The following CSMD1 variants were observed in gnomAD, a reference collection of about 807,000 sequenced individuals.
CSMD1 encodes CUB and Sushi multiple domains 1, also known as CUB and sushi domain-containing protein 1.
Under a neutral mutation model 417.5 loss-of-function variants are expected in CSMD1, and 213 were observed. The ratio of observed to expected loss-of-function variants is 0.51; its 90% CI spans 0.46 to 0.57. The LOEUF (loss-of-function observed/expected upper bound fraction) is 0.57. Among genes scored for constraint, CSMD1 ranks in the 20% least tolerant of loss-of-function variants. The pLI is 0.00. For synonymous variants in CSMD1, 2,862 were observed against 1,736.8 expected (o/e 1.65, Z -16.11); for missense variants, 6,923 against 4,529.7 (o/e 1.53, Z -15.17).
At chr8:3,090,602 C>G (rs1411276854) in intron 48 of CSMD1, among the ~76,000 whole-genome samples, 1 of 152,202 alleles carries the variant, frequency 6.6e-6, no homozygotes, top group South Asian at 2.1e-4. Context: ...CTGGTTTTCC[C>G]TTTGGACGCT....
chr8:3,205,147 C>T lies in CSMD1; in HGVS notation c.4984+357G>A, dbSNP rs188781998. ...AATGTATGTGCCATTCATGCACAGA[C>T]ATATACACAGAGTTCTGACCCACCC... On this transcript the variant is annotated intron_variant, in intron 31 of 69. Transcript: ENST00000635120. 2.7e-4 allele frequency among the ~76,000 whole-genome samples: 41 copies of T among 152,266 alleles called. No individual in the cohort carries two copies. In the South Asian group the frequency reaches 6.4e-3, roughly 24 times the overall value.
At chr8:4,705,498 C>G (rs1308027657) in intron 1 of CSMD1, among the ~76,000 whole-genome samples, 1 of 152,170 alleles carries the variant, frequency 6.6e-6, no homozygotes, top group Non-Finnish European at 1.5e-5. Context: ...TTATCCTCTC[C>G]AAGAAAAGGA....
chr8:4,000,951 CA>C (rs1277445776), intron 4 of CSMD1, among the ~76,000 whole-genome samples: 1 of 151,708 alleles, frequency 6.6e-6, no homozygotes, highest in Non-Finnish European at 1.5e-5. Flanking sequence ...AGATTAATGA[CA>C]TATTAATTGA....
chr8:3,460,844 G>C (rs1028057786), intron 12 of CSMD1, among the ~76,000 whole-genome samples: 3 of 152,186 alleles, frequency 2.0e-5, no homozygotes, highest in African/African-American at 7.2e-5. Flanking sequence ...TGTGATGTGA[G>C]TCCCAGGTCA....
chr8:3,529,974 C>T (rs1250292686), intron 10 of CSMD1, among the ~76,000 whole-genome samples: 2 of 152,058 alleles, frequency 1.3e-5, no homozygotes, highest in Non-Finnish European at 2.9e-5. Flanking sequence ...AATGATGTGC[C>T]ATATGTCATT....
chr8:3,146,654 G>C (rs1818861336), intron 40 of CSMD1, among the ~76,000 whole-genome samples: 1 of 152,104 alleles, frequency 6.6e-6, no homozygotes, highest in South Asian at 2.1e-4. Context: ...TGGTCATTTT[G>C]AGGGACAGGC....
At chr8:4,372,389 C>G (rs1020934235) in intron 3 of CSMD1, among the ~76,000 whole-genome samples, 1 of 151,924 alleles carries the variant, frequency 6.6e-6, no homozygotes, top group Admixed American at 6.6e-5. Flanking sequence ...TTGCTGCTGT[C>G]AAAAGGTAAT....
In CSMD1 at chr8:3,223,867, G is replaced by A. The variant is rs375503699; in HGVS notation, c.4346C>T (p.Ala1449Val). 1 of 1,613,632 alleles carries A rather than the reference G, an allele frequency of 6.2e-7. No individual in the cohort carries two copies. Among genetic ancestry groups the A allele is most frequent in the Non-Finnish European group, 8.5e-7 (1 of 1,179,722 alleles). ...GCCCGTCAGATTCCCTCCACAAGCAGCTGTCACAGAACAAAAGTTACAGAG... is the reference window on the plus strand; with the variant it reads ...GCCCGTCAGATTCCCTCCACAAGCAACTGTCACAGAACAAAAGTTACAGAG... ...FWQPDPPTCIAACGGNLTGPA... is the reference protein window; with the variant it reads ...FWQPDPPTCIVACGGNLTGPA... Residue 1449 changes from alanine (A) to valine (V), a missense_variant and splice_region_variant, in exon 28 of 70, where the codon GCT (alanine) becomes GTT (valine). Ala to Val is a moderately conservative substitution (Grantham distance 64). Transcript: ENST00000635120.
intron 1 of CSMD1, among the ~76,000 whole-genome samples, chr8:4,854,758 G>A (rs1284797455): frequency 2.6e-5 from 4 of 152,178 alleles, no homozygotes; most frequent in African/African-American, 9.6e-5. Flanking sequence ...GGCTCGGAGG[G>A]TCCTACACCC....
At chr8:3,323,132 A>C (rs1806264939) in intron 23 of CSMD1, among the ~76,000 whole-genome samples, 1 of 152,108 alleles carries the variant, frequency 6.6e-6, no homozygotes, top group Non-Finnish European at 1.5e-5. Context: ...TTTGTCTAAC[A>C]TTGTCTTATT....
At chr8:3,848,312 C>A (rs957136966) in intron 5 of CSMD1, among the ~76,000 whole-genome samples, 2 of 152,120 alleles carry the variant, frequency 1.3e-5, no homozygotes, top group African/African-American at 2.4e-5. Flanking sequence ...CCACTAACAA[C>A]AGAGATCACC....
intron 25 of CSMD1, among the ~76,000 whole-genome samples, chr8:3,290,925 C>T (rs1335530824): frequency 2.6e-5 from 4 of 152,100 alleles, no homozygotes; most frequent in Admixed American, 6.5e-5. Flanking sequence ...GGAATGCTTC[C>T]AGTTTTTCCC....
intron 1 of CSMD1, among the ~76,000 whole-genome samples, chr8:4,715,227 T>G (rs1410864601): frequency 6.6e-6 from 1 of 152,224 alleles, no homozygotes; most frequent in African/African-American, 2.4e-5. Context: ...AGTGTTTTTA[T>G]GAATTTGAAT....
chr8:4,167,178 G>C (rs1797503458), intron 3 of CSMD1, among the ~76,000 whole-genome samples: 1 of 152,126 alleles, frequency 6.6e-6, no homozygotes, highest in Non-Finnish European at 1.5e-5. Flanking sequence ...TAGAAAACCA[G>C]ATAATTTTTT....
At chr8:3,888,481 T>C (rs571337233) in intron 5 of CSMD1, among the ~76,000 whole-genome samples, 3 of 152,316 alleles carry the variant, frequency 2.0e-5, no homozygotes, top group Admixed American at 1.3e-4. Flanking sequence ...TAGGAGATGA[T>C]TATCATTAGC....
intron 2 of CSMD1, among the ~76,000 whole-genome samples, chr8:4,540,437 T>C (rs1014598069): frequency 2.0e-5 from 3 of 152,130 alleles, no homozygotes; most frequent in African/African-American, 7.2e-5. Context: ...GTGCAGTGGC[T>C]CATGCCTGTA....
intron 2 of CSMD1, among the ~76,000 whole-genome samples, chr8:4,516,147 AG>A (rs990285305): frequency 2.6e-5 from 4 of 152,082 alleles, no homozygotes; most frequent in African/African-American, 9.7e-5. Context: ...GAGGTCATGC[AG>A]GGGCCCTAAT....
chr8:4,911,371 A>C (rs1805658718), intron 1 of CSMD1, among the ~76,000 whole-genome samples: 1 of 152,188 alleles, frequency 6.6e-6, no homozygotes, highest in Non-Finnish European at 1.5e-5. Flanking sequence ...CACTGGGGAA[A>C]AGTCTGTTGG....
chr8:3,499,934 C>T lies in CSMD1; in HGVS notation c.1345-6208G>A, dbSNP rs116431612. ...AGGAACCCGGTGTGAGTTCTCTCCC[C>T]GGAGCAAAACAGTCATGTGGGCTGC... On this transcript the variant is annotated intron_variant, in intron 10 of 69. Coordinates refer to ENST00000635120, the MANE Select transcript of CSMD1 (RefSeq NM_033225.6). Among the ~76,000 whole-genome samples the T allele has an allele frequency of 2.7e-3, 413 of 152,150 alleles. 5 individuals are homozygous for T. The highest frequency in any genetic ancestry group is 9.3e-3 in the African/African-American group (384 of 41,506).
Sources: gnomAD v4.1 joint callset for allele counts (sites outside exome capture counted in the v4.1 genomes callset) on GRCh38, gnomAD v4.1.1 for gene constraint, MANE v1.5 for transcripts, NCBI Gene and HGNC (gene_info 2026-07-23, HGNC 2026-07-21) for gene names.